B3GALNT2: variants seen among roughly 807,000 people sequenced by gnomAD.
B3GALNT2 encodes the protein UDP-GalNAc:beta-1,3-N-acetylgalactosaminyltransferase 2.
A neutral mutation model predicts 61.1 loss-of-function variants in B3GALNT2; 53 were observed. The observed-to-expected ratio is 0.87, with a 90% CI of 0.70 to 1.09. The LOEUF (loss-of-function observed/expected upper bound fraction) is 1.09, where lower values mean the gene tolerates loss of function less well. B3GALNT2 is among the 50% of genes least tolerant of loss of function. B3GALNT2 has a pLI of 0.00. For synonymous variants in B3GALNT2, 223 were observed against 237.4 expected (o/e 0.94, Z 0.56); for missense variants, 544 against 623.0 (o/e 0.87, Z 1.35).
intron 1 of B3GALNT2, among the ~76,000 whole-genome samples, chr1:235,503,031 T>C (rs925908325): frequency 6.6e-6 from 1 of 152,242 alleles, no homozygotes; most frequent in Admixed American, 6.5e-5. Context: ...AGTGATCTAA[T>C]AGGAAAAGAG....
chr1:235,470,740 CAAGAATCAT>C (rs957586187), intron 6 of B3GALNT2, 101 bp downstream of exon 6: 1 of 1,449,076 alleles, frequency 6.9e-7, no homozygotes, highest in Non-Finnish European at 9.1e-7. Context: ...GTAAAACACA[CAAGAATCAT>C]TGCTCCATGC....
At chr1:235,440,377 G>C in the B3GALNT2 span, among the ~76,000 whole-genome samples, 16,367 of 151,922 alleles carry the variant, frequency 0.11, 1,442 homozygotes, top group African/African-American at 0.25. Context: ...TCCAGTTTAT[G>C]TCTGAGGCAT....
chr1:235,466,635 G>T (rs576601949), intron 6 of B3GALNT2, among the ~76,000 whole-genome samples: 29 of 152,352 alleles, frequency 1.9e-4, no homozygotes, highest in African/African-American at 5.8e-4. Flanking sequence ...GATTACAGGT[G>T]TGGGCCACTG....
chr1:235,476,683 C>G (rs1684297796), intron 5 of B3GALNT2, among the ~76,000 whole-genome samples: 1 of 151,786 alleles, frequency 6.6e-6, no homozygotes, highest in African/African-American at 2.4e-5. Context: ...AATCTTGTCT[C>G]TACTAAAAAA....
chr1:235,504,025 A>C (rs1572574475), intron 1 of B3GALNT2, 116 bp downstream of exon 1: 7 of 1,077,004 alleles, frequency 6.5e-6, no homozygotes, highest in Non-Finnish European at 8.1e-6. Context: ...TCGTCTGGGG[A>C]CCGTCGCGTT....
chr1:235,482,533 A>G (rs1209987968), intron 4 of B3GALNT2, among the ~76,000 whole-genome samples: 2 of 151,894 alleles, frequency 1.3e-5, no homozygotes, highest in Admixed American at 1.3e-4. Flanking sequence ...AACTGAATAG[A>G]GATTTTAGCT....
At position 235,448,979 on chromosome 1, in the gene B3GALNT2, A is replaced by T. The variant is rs1682702719; in HGVS notation, c.*1227T>A. On this transcript the variant is annotated 3_prime_UTR_variant, in exon 12 of 12. Transcript: ENST00000366600. ...CTTTGAACCTACTAATGATTTTCTGATCTTATTTCATATTTATTTTTACAG... is the reference window on the plus strand; with the variant it reads ...CTTTGAACCTACTAATGATTTTCTGTTCTTATTTCATATTTATTTTTACAG... The T allele has an allele frequency of 6.4e-6, 3 of 466,896 alleles. No individual in the cohort carries two copies. Among genetic ancestry groups the T allele is most frequent in the Non-Finnish European group, 1.2e-5 (3 of 254,302 alleles). 28.9% of individuals were successfully genotyped at this position (466,896 alleles called of 1,614,324 possible). A position where few individuals can be genotyped will look rare whatever the true frequency, so the allele number is the denominator to read the frequency against.
intron 5 of B3GALNT2, among the ~76,000 whole-genome samples, chr1:235,472,903 CTTTTT>C (rs1172844809): frequency 6.6e-6 from 1 of 151,402 alleles, no homozygotes; most frequent in Non-Finnish European, 1.5e-5. Context: ...TAAACTTTTT[CTTTTT>C]TTTTATTTTT....
intron 6 of B3GALNT2, 167 bp from the exon 7 acceptor site, chr1:235,465,881 C>T: frequency 1.4e-6 from 1 of 712,444 alleles, no homozygotes; most frequent in Non-Finnish European, 2.3e-6. Context: ...ATACGGTATT[C>T]TACTATTTTT....
intron 3 of B3GALNT2, 45 bp from the exon 4 acceptor site, chr1:235,484,560 T>C: frequency 6.5e-7 from 1 of 1,547,970 alleles, no homozygotes; most frequent in Non-Finnish European, 8.7e-7. Context: ...AATGTAATCC[T>C]TTGTTTTACT....
chr1:235,486,204 G>T (rs1274792733), intron 3 of B3GALNT2, among the ~76,000 whole-genome samples: 2 of 152,188 alleles, frequency 1.3e-5, no homozygotes, highest in Non-Finnish European at 2.9e-5. Flanking sequence ...GGATTAAAGG[G>T]AAGTGATGAC....
chr1:235,483,217 A>G (rs552737596), intron 4 of B3GALNT2, among the ~76,000 whole-genome samples: 28 of 152,332 alleles, frequency 1.8e-4, no homozygotes, highest in African/African-American at 6.0e-4. Context: ...TATCTACATT[A>G]GAAAAGAGAA....
At chr1:235,495,948 G>A (rs1685298267) in intron 1 of B3GALNT2, among the ~76,000 whole-genome samples, 1 of 152,126 alleles carries the variant, frequency 6.6e-6, no homozygotes, top group South Asian at 2.1e-4. Flanking sequence ...TACTAGGATA[G>A]TTTTAAGGAT....
rs748263377 is a variant in B3GALNT2, at chr1:235,489,209, T to C, written c.320A>G (p.Glu107Gly). 5 of 1,614,062 alleles carry C rather than the reference T, an allele frequency of 3.1e-6. No homozygotes were observed. The South Asian group carries it at 5.5e-5, about 18-fold the overall frequency. ...GAGTAGTTTACAGGAATAAGGATCC[T>C]CCCTGTCTTCCACAGGCACTTCACA... is the stretch of plus-strand genomic sequence containing the variant. The part of the protein sequence containing the change: ...HGCEVPVEDR[E>G]DPYSCKLLNI... The change falls in exon 3 of 12, where the codon GAG becomes GGG. Residue 107 changes from glutamate to glycine, a missense_variant. Glu to Gly is a moderately conservative substitution (Grantham distance 98). Transcript: ENST00000366600.
At position 235,460,578 on chromosome 1, in the gene B3GALNT2, G is replaced by GT. The variant is rs766922910; in HGVS notation, c.842-1793dup. Among the ~76,000 whole-genome samples, 1,380 of 141,150 alleles carry GT rather than the reference G, an allele frequency of 9.8e-3. 6 individuals carry two copies. The highest frequency in any genetic ancestry group is 0.016 in the African/African-American group (630 of 38,798). 92.6% of individuals were successfully genotyped at this position (141,150 alleles called of 152,430 possible). ...TGGTGTATTTATGATTATTTCCTTT[G>GT]TTTTTTTTTTTTTGAGACAGGGTCT... On this transcript the variant is annotated intron_variant, in intron 7 of 11. Transcript: ENST00000366600.
At chr1:235,467,413 C>T (rs1683749391) in intron 6 of B3GALNT2, among the ~76,000 whole-genome samples, 1 of 151,014 alleles carries the variant, frequency 6.6e-6, no homozygotes, top group African/African-American at 2.4e-5. Context: ...ACTAAAGGGG[C>T]AGGCTATAGA....
intron 2 of B3GALNT2, among the ~76,000 whole-genome samples, chr1:235,490,953 A>G (rs1685035647): frequency 6.6e-6 from 1 of 152,160 alleles, no homozygotes; most frequent in Non-Finnish European, 1.5e-5. Flanking sequence ...AAACTGGCAA[A>G]TAATACAAAT....
At chr1:235,480,302 T>C (rs1311402435) in intron 4 of B3GALNT2, among the ~76,000 whole-genome samples, 153 bp from the exon 5 acceptor site, 1 of 152,196 alleles carries the variant, frequency 6.6e-6, no homozygotes, top group East Asian at 1.9e-4. Context: ...TTGGCATCAC[T>C]GGGTTTTCTA....
At chr1:235,477,404 C>T (rs954534472) in intron 5 of B3GALNT2, among the ~76,000 whole-genome samples, 5 of 152,004 alleles carry the variant, frequency 3.3e-5, no homozygotes, top group South Asian at 2.1e-4. Flanking sequence ...ACATTCTAAG[C>T]GAAAATAATA....
Sources: allele counts gnomAD v4.1 joint callset (sites outside exome capture counted in the v4.1 genomes callset), GRCh38; gene constraint gnomAD v4.1.1; transcripts MANE v1.5; gene names NCBI Gene and HGNC (gene_info 2026-07-23, HGNC 2026-07-21).